The following CC2D1B variants were observed in gnomAD, a reference collection of about 807,000 sequenced individuals.
CC2D1B encodes the protein coiled-coil and C2 domain containing 1B, also known as coiled-coil and C2 domain-containing protein 1B.
A neutral mutation model predicts 110.8 loss-of-function variants in CC2D1B; 92 were observed. The ratio of observed to expected loss-of-function variants is 0.83; its 90% CI spans 0.70 to 0.99. The LOEUF is 0.99. Ranked by LOEUF, CC2D1B falls within the 50% of genes least tolerant of loss-of-function variation. The pLI is 0.00. For missense variants in CC2D1B, 1,136 were observed against 1,089.0 expected (o/e 1.04, Z -0.61); for synonymous variants, 406 against 429.2 (o/e 0.95, Z 0.67).
Position 52,359,114 on chromosome 1 carries a change from C to CTG in CC2D1B, c.1168_1169dup (p.Gln390HisfsTer4), listed in dbSNP as rs753869799. 6.8e-6 allele frequency: 11 copies of CTG among 1,610,818 alleles called. No individual in the cohort carries two copies. The East Asian group carries it at 2.5e-4, about 36-fold the overall frequency. ...CCGCCTCGCGGTACTTGTTCAGCCT[C>CTG]TGCTGCAGGGCATCCAGCACTGTCT... On this transcript the variant is annotated frameshift_variant, in exon 11 of 25. Coordinates refer to ENST00000284376, the MANE Select transcript of CC2D1B (RefSeq NM_001330585.2). LOFTEE classifies it high-confidence loss of function.
chr1:52,361,669 G>A (rs1646786161), intron 3 of CC2D1B, 53 bp from the exon 4 acceptor site: 1 of 1,605,598 alleles, frequency 6.2e-7, no homozygotes, highest in Non-Finnish European at 8.5e-7. Context: ...GTTCAGGGAT[G>A]AGTAAAGGAG....
At position 52,353,630 on chromosome 1, in the gene CC2D1B, C is replaced by T. The variant is rs373167954; in HGVS notation, c.2448G>A (p.Lys816=). The T allele has an allele frequency of 1.8e-4, 282 of 1,606,318 alleles. No individual in the cohort carries two copies. The highest frequency in any genetic ancestry group is 2.2e-4 in the Non-Finnish European group (257 of 1,176,186). Residue 816 remains lysine (K), a synonymous_variant, in exon 24 of 25, where the codon AAG becomes AAA. Coordinates refer to ENST00000284376, the MANE Select transcript of CC2D1B (RefSeq NM_001330585.2). ...REIVEVLDGR[K]PTGGKLEVKV... ...TCACCTCCAGCTTCCCCCCGGTGGG[C>T]TTCCTTCCATCCAGGACCTGTGAGG...
In CC2D1B at chr1:52,361,540, TTCC is replaced by T. The variant is rs374206070; in HGVS notation, c.288_290del (p.Glu97del). 1,125 of 1,520,434 alleles carry T rather than the reference TTCC, an allele frequency of 7.4e-4. 8 individuals carry two copies. The East Asian group carries it at 0.011, about 15-fold the overall frequency. The allele number at this position is 1,520,434 out of a possible 1,614,324, so 94.2% of individuals were successfully genotyped here. ...GCAGCTCTGCATCTTCCTCCAGCCC[TTCC>T]TCCTCCTCCTCCTCCTCCACATCCC... On this transcript the variant is annotated inframe_deletion, in exon 4 of 25. Transcript: ENST00000284376.
chr1:52,362,740 G>C lies in CC2D1B; in HGVS notation c.76C>G (p.Leu26Val), dbSNP rs973186865. ...TCCTCAGGGCCAAACTCCATAAAGA[G>C]CCCCATCTGAGAGCAGAGCAGGACT... ...QGVAAAKQMG[L>V]FMEFGPEDML... The change falls in exon 3 of 25, where the codon CTC becomes GTC. Residue 26 changes from leucine to valine, a missense_variant. By Grantham distance (32) the Leu-to-Val change is conservative. Transcript: ENST00000284376. 6 of 1,613,876 alleles carry C rather than the reference G, an allele frequency of 3.7e-6. No homozygotes were observed. In the African/African-American group the frequency reaches 8.0e-5, roughly 22 times the overall value.
At chr1:52,354,477 A>ACTC (rs1473263894) in intron 23 of CC2D1B, 131 bp downstream of exon 23, 1 of 834,018 alleles carries the variant, frequency 1.2e-6, no homozygotes, top group Non-Finnish European at 2.1e-6. Context: ...GATTCCACCT[A>ACTC]CTCTAAGCAC....
At position 52,358,753 on chromosome 1, in the gene CC2D1B, A is replaced by G; in HGVS notation, c.1263T>C (p.Tyr421=). 1 of 1,609,546 alleles carries G rather than the reference A, an allele frequency of 6.2e-7. No homozygotes were observed. Among genetic ancestry groups the G allele is most frequent in the Non-Finnish European group, 8.5e-7 (1 of 1,178,780 alleles). ...CTCGGTGTGCTCGAATAGCATCTTG[A>G]TATTGCTGCAAGGGAAGGAAGGGAG... ...ARMHERIAKQ[Y]QDAIRAHRAG... Residue 421 remains tyrosine (Y), a synonymous_variant, in exon 12 of 25, where the codon TAT becomes TAC. Coordinates refer to ENST00000284376, the MANE Select transcript of CC2D1B (RefSeq NM_001330585.2).
chr1:52,357,118 C>T lies in CC2D1B; in HGVS notation c.1761G>A (p.Ser587=), dbSNP rs199893578. The change falls in exon 16 of 25, where the codon TCG becomes TCA. Residue 587 remains serine (S), a synonymous_variant. Transcript: ENST00000284376. ...GRPVDLSKVP[S]PLTDEEGDFI... is the part of the protein sequence containing the mutation. ...AGTCACCCTCCTCATCCGTCAAGGGCGAAGGCACCTACCCAGGTCACAAGG... is the reference window on the plus strand; with the variant it reads ...AGTCACCCTCCTCATCCGTCAAGGGTGAAGGCACCTACCCAGGTCACAAGG... 1.6e-5 allele frequency: 26 copies of T among 1,613,916 alleles called. No homozygotes were observed. The highest frequency in any genetic ancestry group is 3.3e-4 in the Middle Eastern group (2 of 6,062).
chr1:52,359,892 A>G lies in CC2D1B; in HGVS notation c.764-9T>C. The G allele has an allele frequency of 6.2e-7, 1 of 1,608,510 alleles. No individual in the cohort carries two copies. Among genetic ancestry groups the G allele is most frequent in the Non-Finnish European group, 8.5e-7 (1 of 1,177,348 alleles). ...AGGTTGGGAGGGGTTGTCTATAAGG[A>G]AACAAACAGTCCCCAGAGAGCACAT... On this transcript the variant is annotated splice_polypyrimidine_tract_variant and intron_variant, in intron 7 of 24. Transcript: ENST00000284376.
chr1:52,353,507 G>C lies in CC2D1B; in HGVS notation c.*1+11C>G. The stretch of plus-strand genomic sequence containing the variant: ...GGGGCAAAGGTTCTGAAGGCCCAGA[G>C]AGCTGCCCACCTCACAAGCCCCTGG... On this transcript the variant is annotated intron_variant, in intron 24 of 24. Coordinates refer to ENST00000284376, the MANE Select transcript of CC2D1B (RefSeq NM_001330585.2). The C allele has an allele frequency of 6.2e-7, 1 of 1,607,284 alleles. No homozygotes were observed. The highest frequency in any genetic ancestry group is 8.5e-7 in the Non-Finnish European group (1 of 1,177,674).
chr1:52,358,785 G>A, intron 11 of CC2D1B, 27 bp from the exon 12 acceptor site: 1 of 1,592,636 alleles, frequency 6.3e-7, no homozygotes, highest in South Asian at 1.1e-5. Flanking sequence ...GGAGGGGCCT[G>A]TGGTCGGCAG....
chr1:52,352,502 G>C lies in CC2D1B; in HGVS notation c.*723C>G, dbSNP rs1646546797. 6.6e-6 allele frequency: 1 copy of C among 152,544 alleles called. No individual in the cohort carries two copies. The highest frequency in any genetic ancestry group is 1.5e-5 in the Non-Finnish European group (1 of 68,026). 9.4% of individuals were successfully genotyped at this position (152,544 alleles called of 1,614,324 possible). ...AGTATAAAATCCCTACAATGAGTTA[G>C]ACTTAGTTTCCTAGATAAATAAACG... On this transcript the variant is annotated 3_prime_UTR_variant, in exon 25 of 25. Coordinates refer to ENST00000284376, the MANE Select transcript of CC2D1B (RefSeq NM_001330585.2).
intron 23 of CC2D1B, 99 bp from the exon 24 acceptor site, chr1:52,353,746 T>C: frequency 1.2e-6 from 1 of 840,782 alleles, no homozygotes; most frequent in Non-Finnish European, 1.9e-6. Flanking sequence ...GGAGCTAAGA[T>C]GTCCTGTGGC....
Position 52,359,111 on chromosome 1 carries a change from C to G in CC2D1B, c.1173G>C (p.Arg391Ser). The change falls in exon 11 of 25, where the codon AGG becomes AGC. Residue 391 changes from arginine to serine, a missense_variant. Coordinates refer to ENST00000284376, the MANE Select transcript of CC2D1B (RefSeq NM_001330585.2). The stretch of plus-strand genomic sequence containing the variant: ...TGCCCGCCTCGCGGTACTTGTTCAG[C>G]CTCTGCTGCAGGGCATCCAGCACTG... Reference protein sequence around the residue: ...SQTVLDALQQRLNKYREAGIQ... With the variant: ...SQTVLDALQQSLNKYREAGIQ... The G allele has an allele frequency of 6.2e-7, 1 of 1,610,718 alleles. No homozygotes were observed. The highest frequency in any genetic ancestry group is 8.5e-7 in the Non-Finnish European group (1 of 1,180,020).
chr1:52,357,696 G>C lies in CC2D1B; in HGVS notation c.1582C>G (p.Arg528Gly). 6.2e-7 allele frequency: 1 copy of C among 1,607,120 alleles called. No individual in the cohort carries two copies. The highest frequency in any genetic ancestry group is 8.5e-7 in the Non-Finnish European group (1 of 1,176,824). ...SSKESPSPSV[R>G]EQLALLEARK... The stretch of plus-strand genomic sequence containing the variant: ...GCCTCCAGCAGTGCCAGCTGCTCCC[G>C]CACTGAAGGGAGAAGGCCACTGGTT... Residue 528 changes from arginine (R) to glycine (G), a missense_variant and splice_region_variant, in exon 15 of 25, where the codon CGG (arginine) becomes GGG (glycine). Physicochemically the swap from Arg to Gly is moderately radical, Grantham distance 125. Coordinates refer to ENST00000284376, the MANE Select transcript of CC2D1B (RefSeq NM_001330585.2).
intron 1 of CC2D1B, among the ~76,000 whole-genome samples, chr1:52,364,956 C>T (rs1646853273): frequency 6.6e-6 from 1 of 152,172 alleles, no homozygotes; most frequent in South Asian, 2.1e-4. Flanking sequence ...GAAGCCACAG[C>T]TGGCTATTTA....
intron 1 of CC2D1B, among the ~76,000 whole-genome samples, chr1:52,365,563 A>C (rs543125148): frequency 7.9e-5 from 12 of 152,348 alleles, no homozygotes; most frequent in African/African-American, 2.4e-4. Context: ...GCCGAGGTGG[A>C]AATGTGAGCA....
chr1:52,365,964 C>G (rs1372173266), intron 1 of CC2D1B, 105 bp downstream of exon 1: 4 of 152,696 alleles, frequency 2.6e-5, no homozygotes, highest in Admixed American at 6.5e-5. Context: ...ACGGGACCCC[C>G]ACTCCCGCGC....
Position 52,364,303 on chromosome 1 carries a change from T to A in CC2D1B, c.69+249A>T, listed in dbSNP as rs556777679. Among the ~76,000 whole-genome samples, 17 of 152,204 alleles carry A rather than the reference T, an allele frequency of 1.1e-4. 1 individual carries two copies. The South Asian group carries it at 3.5e-3, about 32-fold the overall frequency. On this transcript the variant is annotated intron_variant, in intron 2 of 24. Transcript: ENST00000284376. ...GCTAACAAGCAAAGTTGTGACCCTA[T>A]CTAAGGAACCTTTGAGAGCACTGAG...
At chr1:52,365,082 GCA>G (rs1239757036) in intron 1 of CC2D1B, among the ~76,000 whole-genome samples, 1 of 152,234 alleles carries the variant, frequency 6.6e-6, no homozygotes, top group Non-Finnish European at 1.5e-5. Context: ...TGACCAGACA[GCA>G]CACACACAGA....
Sources: allele counts gnomAD v4.1 joint callset (sites outside exome capture counted in the v4.1 genomes callset), GRCh38; gene constraint gnomAD v4.1.1; transcripts MANE v1.5; gene names NCBI Gene and HGNC (gene_info 2026-07-23, HGNC 2026-07-21).